Variants in NFX1 observed in about 807,000 individuals in gnomAD.
NFX1 encodes nuclear transcription factor, X-box binding 1.
A neutral mutation model predicts 137.2 loss-of-function variants in NFX1; 69 were observed. That is an observed-to-expected ratio of 0.50 (90% CI 0.41 to 0.61). The LOEUF (loss-of-function observed/expected upper bound fraction) is 0.61, where lower values mean the gene tolerates loss of function less well. Ranked by LOEUF, NFX1 falls within the 20% of genes least tolerant of loss-of-function variation. The pLI, the probability that NFX1 is intolerant of heterozygous loss-of-function variation, is 0.00. For missense variants in NFX1, 1,167 were observed against 1,391.0 expected (o/e 0.84, Z 2.56); for synonymous variants, 495 against 474.1 (o/e 1.04, Z -0.57).
intron 7 of NFX1, among the ~76,000 whole-genome samples, chr9:33,318,206 G>A (rs528328741): frequency 4.0e-4 from 61 of 151,900 alleles, no homozygotes; most frequent in Middle Eastern, 6.8e-3. Flanking sequence ...TTTTGGCAAC[G>A]GGGACCTTTT....
intron 10 of NFX1, among the ~76,000 whole-genome samples, chr9:33,328,977 G>A (rs1822700302): frequency 6.6e-6 from 1 of 152,156 alleles, no homozygotes; most frequent in Non-Finnish European, 1.5e-5. Flanking sequence ...GATACCAATT[G>A]AAAGTTCAGT....
chr9:33,341,237 A>G (rs1193779239), intron 12 of NFX1, among the ~76,000 whole-genome samples: 1 of 152,208 alleles, frequency 6.6e-6, no homozygotes, highest in Non-Finnish European at 1.5e-5. Flanking sequence ...AAGGAGGAGC[A>G]AGTCACATTT....
Position 33,307,250 on chromosome 9 carries a change from G to A in NFX1, c.1327G>A (p.Val443Ile). The change falls in exon 5 of 24, where the codon GTT becomes ATT. Residue 443 changes from valine to isoleucine, a missense_variant. Physicochemically the swap from Val to Ile is conservative, Grantham distance 29 (BLOSUM62 3). Coordinates refer to ENST00000379540, the MANE Select transcript of NFX1 (RefSeq NM_002504.6). ...TGAAATTCCACATAGCTGTGGTGAG[G>A]TTTGTAGAAAGAAACAGCCTGGCCA... is the stretch of plus-strand genomic sequence containing the variant. Reference protein sequence around the residue: ...RNEIPHSCGEVCRKKQPGQDC... With the variant: ...RNEIPHSCGEICRKKQPGQDC... 2 of 1,614,174 alleles carry A rather than the reference G, an allele frequency of 1.2e-6. No homozygotes were observed. The highest frequency in any genetic ancestry group is 2.7e-5 in the African/African-American group (2 of 75,048).
chr9:33,307,915 C>CA (rs1422622551), intron 5 of NFX1, among the ~76,000 whole-genome samples: 1 of 151,562 alleles, frequency 6.6e-6, no homozygotes, highest in Non-Finnish European at 1.5e-5. Flanking sequence ...GCCATCCTCC[C>CA]ACCTCATCCT....
At chr9:33,362,703 T>G (rs1824036705) in intron 19 of NFX1, among the ~76,000 whole-genome samples, 1 of 141,880 alleles carries the variant, frequency 7.0e-6, no homozygotes, top group Non-Finnish European at 1.5e-5. Context: ...TTTTTTTTTT[T>G]TTTTTTTTTT....
Position 33,352,405 on chromosome 9 carries a change from A to G in NFX1, c.2656-241A>G, listed in dbSNP as rs1823668614. On this transcript the variant is annotated intron_variant, in intron 16 of 23. Coordinates refer to ENST00000379540, the MANE Select transcript of NFX1 (RefSeq NM_002504.6). The stretch of plus-strand genomic sequence containing the variant: ...AACTTCATCCTAGGCCTGCCCCTTC[A>G]GCCAGGATTAAGAACAGAGGTGGTT... The G allele has an allele frequency of 6.5e-6, 4 of 619,014 alleles. No individual in the cohort carries two copies. In the East Asian group the frequency reaches 1.4e-4, roughly 21 times the overall value. The allele number at this position is 619,014 out of a possible 1,614,324, so 38.3% of individuals were successfully genotyped here.
intron 2 of NFX1, among the ~76,000 whole-genome samples, chr9:33,298,708 C>T (rs539495579): frequency 6.6e-6 from 1 of 152,242 alleles, no homozygotes; most frequent in African/African-American, 2.4e-5. Context: ...CGCTTGAGCC[C>T]AGTGGGTCAA....
chr9:33,318,086 TTC>T (rs1822241365), intron 7 of NFX1, among the ~76,000 whole-genome samples: 1 of 152,026 alleles, frequency 6.6e-6, no homozygotes, highest in Admixed American at 6.6e-5. Flanking sequence ...ATTAGAAGGT[TTC>T]TATTTTATTT....
chr9:33,302,142 A>G (rs1218569609), intron 3 of NFX1, among the ~76,000 whole-genome samples: 1 of 152,098 alleles, frequency 6.6e-6, no homozygotes, highest in Non-Finnish European at 1.5e-5. Context: ...TTACATGTTT[A>G]TGGGGTACAC....
chr9:33,352,697 G>A lies in NFX1; in HGVS notation c.2707G>A (p.Glu903Lys). Reference sequence around the variant, plus strand: ...AAGAAAAGAGATGGTGATTTGCTCTGAAGCATCTAGTACTTATCAAAGGTT... The same window carrying A: ...AAGAAAAGAGATGGTGATTTGCTCTAAAGCATCTAGTACTTATCAAAGGTT... Reference protein sequence around the residue: ...GRRKEMVICSEASSTYQRIAA... With the variant: ...GRRKEMVICSKASSTYQRIAA... The change falls in exon 17 of 24, where the codon GAA becomes AAA. Residue 903 changes from glutamate (E) to lysine (K), a missense_variant. Glu to Lys is a moderately conservative substitution (Grantham distance 56). Coordinates refer to ENST00000379540, the MANE Select transcript of NFX1 (RefSeq NM_002504.6). The A allele has an allele frequency of 1.2e-6, 2 of 1,614,100 alleles. No homozygotes were observed. The highest frequency in any genetic ancestry group is 1.7e-6 in the Non-Finnish European group (2 of 1,179,934).
intron 19 of NFX1, among the ~76,000 whole-genome samples, chr9:33,355,641 CTT>C (rs35866452): frequency 0.015 from 1,340 of 92,208 alleles, 16 homozygotes; most frequent in African/African-American, 0.044. Context: ...GTTAAGAATT[CTT>C]TTTTTTTTTT....
At chr9:33,352,044 G>C (rs1048181520) in intron 16 of NFX1, among the ~76,000 whole-genome samples, 3 of 152,148 alleles carry the variant, frequency 2.0e-5, no homozygotes, top group Non-Finnish European at 2.9e-5. Flanking sequence ...ATTCTCAATA[G>C]TCACTGATTG....
chr9:33,300,061 T>C (rs624596), intron 2 of NFX1, among the ~76,000 whole-genome samples: 1 of 150,442 alleles, frequency 6.6e-6, no homozygotes, highest in South Asian at 2.1e-4. Flanking sequence ...ACCTATGTTA[T>C]AGCATTTTTT....
intron 7 of NFX1, 47 bp from the exon 8 acceptor site, chr9:33,318,684 A>G (rs756708991): frequency 3.8e-5 from 57 of 1,502,792 alleles, no homozygotes; most frequent in Non-Finnish European, 5.2e-5. Context: ...CATTTTAAGA[A>G]CCCATACATG....
intron 3 of NFX1, among the ~76,000 whole-genome samples, chr9:33,302,595 A>C (rs544675872): frequency 1.1e-4 from 16 of 151,740 alleles, no homozygotes; most frequent in African/African-American, 3.6e-4. Context: ...GGCTCAAGCA[A>C]TTCTGCATCA....
At chr9:33,291,123 TG>T (rs1217429587) in intron 1 of NFX1, among the ~76,000 whole-genome samples, 1 of 152,226 alleles carries the variant, frequency 6.6e-6, no homozygotes, top group Non-Finnish European at 1.5e-5. Context: ...CGCCCTGTAC[TG>T]TACCTATTCT....
At chr9:33,336,450 G>A (rs1412766281) in intron 11 of NFX1, among the ~76,000 whole-genome samples, 1 of 152,076 alleles carries the variant, frequency 6.6e-6, no homozygotes, top group Non-Finnish European at 1.5e-5. Flanking sequence ...TCCTGACCTC[G>A]TGATCCGCCT....
intron 9 of NFX1, among the ~76,000 whole-genome samples, chr9:33,320,106 C>T (rs575930472): frequency 4.0e-5 from 6 of 151,532 alleles, no homozygotes; most frequent in Non-Finnish European, 2.9e-5. Flanking sequence ...GGATTACAGG[C>T]ACCTGCAATC....
At chr9:33,339,301 A>G (rs538615640) in intron 12 of NFX1, among the ~76,000 whole-genome samples, 1 of 152,320 alleles carries the variant, frequency 6.6e-6, no homozygotes, top group Admixed American at 6.5e-5. Flanking sequence ...GGTGGAAGGC[A>G]AGGAAGAGCA....
Sources: gnomAD v4.1 joint callset for allele counts (sites outside exome capture counted in the v4.1 genomes callset) on GRCh38, gnomAD v4.1.1 for gene constraint, MANE v1.5 for transcripts, NCBI Gene and HGNC (gene_info 2026-07-23, HGNC 2026-07-21) for gene names.